FAT3: variants seen among roughly 807,000 people sequenced by gnomAD.
FAT3 encodes FAT atypical cadherin 3.
A neutral mutation model predicts 310.2 loss-of-function variants in FAT3; 95 were observed. The observed-to-expected ratio is 0.31, with a 90% CI of 0.26 to 0.36. FAT3 has a LOEUF of 0.36. Ranked by LOEUF, FAT3 falls within the 10% of genes least tolerant of loss-of-function variation. FAT3 has a pLI of 1.00. For synonymous variants in FAT3, 2,314 were observed against 2,192.9 expected (o/e 1.06, Z -1.54); for missense variants, 5,408 against 5,715.6 (o/e 0.95, Z 1.74).
chr11:92,455,238 A>G (rs561428799), intron 2 of FAT3, among the ~76,000 whole-genome samples: 91 of 152,230 alleles, frequency 6.0e-4, no homozygotes, highest in African/African-American at 2.1e-3. Flanking sequence ...AAAGATTGCA[A>G]TTTGTCCTGG....
chr11:92,849,124 A>G (rs535979822), intron 19 of FAT3, among the ~76,000 whole-genome samples: 1 of 152,234 alleles, frequency 6.6e-6, no homozygotes, highest in Admixed American at 6.5e-5. Flanking sequence ...AGGAAACCAA[A>G]ACTTGGAAAG....
chr11:92,705,861 G>A (rs1303298619), intron 4 of FAT3, among the ~76,000 whole-genome samples: 1 of 74,170 alleles, frequency 1.3e-5, no homozygotes, highest in Non-Finnish European at 3.0e-5. Flanking sequence ...GGTAGTGATG[G>A]TGGTGGTGTG....
rs1470626407 is a variant in FAT3 at position 92,892,745 on chromosome 11, T to G, written c.*1632T>G. 1 of 152,232 alleles carries G rather than the reference T, an allele frequency of 6.6e-6. No individual in the cohort carries two copies. The highest frequency in any genetic ancestry group is 1.5e-5 in the Non-Finnish European group (1 of 68,046). 9.4% of individuals were successfully genotyped at this position (152,232 alleles called of 1,614,324 possible). On this transcript the variant is annotated 3_prime_UTR_variant, in exon 28 of 28. Transcript: ENST00000525166. The stretch of plus-strand genomic sequence containing the variant: ...GCTTTTTAAAAACAGTATTTTGTTA[T>G]AATTTTCCAGAACTTACCTCTGTTT...
At chr11:92,253,591 C>T (rs1865210904) in intron 1 of FAT3, among the ~76,000 whole-genome samples, 3 of 152,050 alleles carry the variant, frequency 2.0e-5, no homozygotes, top group South Asian at 2.1e-4. Context: ...GCCAAGAACA[C>T]CTAGGACATA....
Position 92,798,632 on chromosome 11 carries a change from G to T in FAT3, c.5619G>T (p.Val1873=), listed in dbSNP as rs757366551. The T allele has an allele frequency of 1.9e-6, 3 of 1,613,804 alleles. No individual in the cohort carries two copies. The highest frequency in any genetic ancestry group is 1.3e-5 in the African/African-American group (1 of 75,050). The change falls in exon 10 of 28, where the codon GTG becomes GTT. Residue 1873 remains valine (V), a synonymous_variant. Transcript: ENST00000525166. ...GTCCCGTTGAAGTCAACATTGAGGT[G>T]ACAGATGTGAATGATAACCCACCTG... ...AESPVEVNIE[V]TDVNDNPPVF...
chr11:92,535,924 A>G (rs1434345342), intron 3 of FAT3, among the ~76,000 whole-genome samples: 1 of 151,272 alleles, frequency 6.6e-6, no homozygotes. Flanking sequence ...TCATTTTGTC[A>G]TTTCTCAGTC....
At chr11:92,507,311 A>G (rs1392740865) in intron 2 of FAT3, among the ~76,000 whole-genome samples, 1 of 152,078 alleles carries the variant, frequency 6.6e-6, no homozygotes, top group Admixed American at 6.6e-5. Flanking sequence ...AAAACCATAC[A>G]CTTCCCTCCT....
At chr11:92,622,891 C>A (rs1941149636) in intron 3 of FAT3, among the ~76,000 whole-genome samples, 1 of 152,134 alleles carries the variant, frequency 6.6e-6, no homozygotes, top group African/African-American at 2.4e-5. Context: ...TCTACCTATG[C>A]TGTGTGAACA....
intron 2 of FAT3, among the ~76,000 whole-genome samples, chr11:92,424,121 G>A (rs1218689203): frequency 6.6e-6 from 1 of 152,036 alleles, no homozygotes; most frequent in Non-Finnish European, 1.5e-5. Context: ...AAAGGCCTTT[G>A]CTGAAGCTGA....
intron 3 of FAT3, among the ~76,000 whole-genome samples, chr11:92,633,595 C>T (rs1449689614): frequency 2.0e-5 from 3 of 152,042 alleles, no homozygotes; most frequent in Admixed American, 6.6e-5. Context: ...AATTTTTTAG[C>T]ATATGGATGA....
intron 3 of FAT3, among the ~76,000 whole-genome samples, chr11:92,603,987 A>G (rs1387789092): frequency 1.3e-5 from 2 of 152,210 alleles, no homozygotes; most frequent in Admixed American, 6.5e-5. Flanking sequence ...AAAATGCTGT[A>G]ATGTGCACCA....
In FAT3 at chr11:92,833,294, C is replaced by T. The variant is rs142652571; in HGVS notation, c.9871+1283C>T. On this transcript the variant is annotated intron_variant, in intron 14 of 27. Coordinates refer to ENST00000525166, the MANE Select transcript of FAT3 (RefSeq NM_001367949.2). ...GAACAAAGGTGAGTCTCTCACCTTC[C>T]AGCCTTTGCACATAGTTCCCTCATC... 3.1e-3 allele frequency among the ~76,000 whole-genome samples: 476 copies of T among 152,254 alleles called. 4 individuals carry two copies. The highest frequency in any genetic ancestry group is 0.011 in the African/African-American group (463 of 41,550).
intron 1 of FAT3, among the ~76,000 whole-genome samples, chr11:92,292,799 G>A (rs1946724411): frequency 6.6e-6 from 1 of 152,050 alleles, no homozygotes. Context: ...GATATCACAG[G>A]TATTTTAAGA....
At chr11:92,447,910 G>T (rs1433538975) in intron 2 of FAT3, among the ~76,000 whole-genome samples, 5 of 151,810 alleles carry the variant, frequency 3.3e-5, no homozygotes, top group Non-Finnish European at 5.9e-5. Flanking sequence ...TGCAAACACA[G>T]TGACAAGAAG....
At chr11:92,467,279 G>A (rs1037849885) in intron 2 of FAT3, among the ~76,000 whole-genome samples, 1 of 152,044 alleles carries the variant, frequency 6.6e-6, no homozygotes, top group Admixed American at 6.6e-5. Flanking sequence ...CATTCTAACT[G>A]GTGTGAGATG....
At chr11:92,502,673 T>C (rs919426598) in intron 2 of FAT3, among the ~76,000 whole-genome samples, 2 of 152,146 alleles carry the variant, frequency 1.3e-5, no homozygotes, top group Middle Eastern at 3.4e-3. Flanking sequence ...AAAAATATCT[T>C]CCTAACAATT....
At chr11:92,519,763 A>G (rs1005290119) in intron 2 of FAT3, among the ~76,000 whole-genome samples, 3 of 152,120 alleles carry the variant, frequency 2.0e-5, no homozygotes, top group African/African-American at 7.2e-5. Context: ...GTGAAAAATA[A>G]GCACTTTTAA....
At chr11:92,246,936 C>T (rs894423576) in intron 1 of FAT3, among the ~76,000 whole-genome samples, 6 of 152,056 alleles carry the variant, frequency 3.9e-5, no homozygotes, top group Admixed American at 2.6e-4. Flanking sequence ...TTAAGGAAAA[C>T]TAGGTGGAGA....
intron 9 of FAT3, 96 bp from the exon 10 acceptor site, chr11:92,797,740 C>A (rs148176367): frequency 2.9e-6 from 3 of 1,044,672 alleles, no homozygotes; most frequent in Non-Finnish European, 2.8e-6. Context: ...TTTCTACTTG[C>A]CACATTGCAG....
Sources: gnomAD v4.1 joint callset for allele counts (sites outside exome capture counted in the v4.1 genomes callset) on GRCh38, gnomAD v4.1.1 for gene constraint, MANE v1.5 for transcripts, NCBI Gene and HGNC (gene_info 2026-07-23, HGNC 2026-07-21) for gene names.